Variants in EXOSC7 observed in about 807,000 individuals in gnomAD.
EXOSC7 encodes the protein exosome component 7.
Under a neutral mutation model 34.3 loss-of-function variants are expected in EXOSC7, and 25 were observed. The ratio of observed to expected loss-of-function variants is 0.73; its 90% confidence interval spans 0.53 to 1.02. The LOEUF is 1.02. Among genes scored for constraint, EXOSC7 ranks in the 50% least tolerant of loss-of-function variants. EXOSC7 has a pLI of 0.00. For missense variants in EXOSC7, 370 were observed against 368.5 expected (o/e 1.00, Z -0.03); for synonymous variants, 130 against 143.0 (o/e 0.91, Z 0.65).
chr3:45,007,266 A>T (rs1242458660), intron 6 of EXOSC7, among the ~76,000 whole-genome samples, 154 bp from the exon 7 acceptor site: 1 of 152,196 alleles, frequency 6.6e-6, no homozygotes, highest in East Asian at 1.9e-4. Flanking sequence ...ACAATCCCTC[A>T]GCTGTTTTCC....
At chr3:45,001,769 G>C in intron 5 of EXOSC7, 161 bp downstream of exon 5, 1 of 591,806 alleles carries the variant, frequency 1.7e-6, no homozygotes, top group East Asian at 2.8e-5. Flanking sequence ...AGAAAAGATA[G>C]ATTTCGTGAA....
chr3:44,995,705 T>G (rs903437143), intron 3 of EXOSC7, among the ~76,000 whole-genome samples: 1 of 152,008 alleles, frequency 6.6e-6, no homozygotes, highest in African/African-American at 2.4e-5. Flanking sequence ...TAATGAAGTC[T>G]CTCTTGGGGA....
rs1050385864 is a variant in EXOSC7 at position 44,995,206 on chromosome 3, C to T, written c.255-1881C>T. ...ACATGTTGGTCAGGCTGGTCTCGAA[C>T]CCCCGACCTCAGGTGATCCACCCGC... On this transcript the variant is annotated intron_variant, in intron 3 of 7. Coordinates refer to ENST00000265564, the MANE Select transcript of EXOSC7 (RefSeq NM_015004.4). 6.6e-5 allele frequency among the ~76,000 whole-genome samples: 10 copies of T among 152,052 alleles called. No individual in the cohort carries two copies. In the East Asian group the frequency reaches 1.9e-3, roughly 29 times the overall value.
At chr3:45,006,713 G>A (rs1385350821) in intron 6 of EXOSC7, among the ~76,000 whole-genome samples, 1 of 151,958 alleles carries the variant, frequency 6.6e-6, no homozygotes, top group East Asian at 1.9e-4. Flanking sequence ...ACCGCGCCCG[G>A]CCTTGTTTTG....
chr3:44,998,522 TTAATG>T (rs1023912076), intron 4 of EXOSC7, among the ~76,000 whole-genome samples: 14 of 152,234 alleles, frequency 9.2e-5, no homozygotes, highest in Non-Finnish European at 1.8e-4. Flanking sequence ...AATAGATTCT[TTAATG>T]AATGTGCAGA....
At chr3:45,011,141 C>T in intron 7 of EXOSC7, 94 bp from the exon 8 acceptor site, 3 of 647,244 alleles carry the variant, frequency 4.6e-6, no homozygotes, top group Non-Finnish European at 7.6e-6. Flanking sequence ...TGTACAATGT[C>T]AGAAAGACTA....
chr3:44,986,559 G>A (rs1576005452), intron 1 of EXOSC7, among the ~76,000 whole-genome samples: 1 of 152,228 alleles, frequency 6.6e-6, no homozygotes, highest in Non-Finnish European at 1.5e-5. Flanking sequence ...TGCAGCGGCG[G>A]GCTGAAGGGC....
chr3:44,978,712 C>T (rs1374488351), intron 1 of EXOSC7, among the ~76,000 whole-genome samples: 1 of 152,074 alleles, frequency 6.6e-6, no homozygotes, highest in African/African-American at 2.4e-5. Context: ...TCTGTAAATC[C>T]TCAGGTGGAG....
intron 1 of EXOSC7, among the ~76,000 whole-genome samples, chr3:44,983,936 C>G (rs572504751): frequency 6.6e-6 from 1 of 151,924 alleles, no homozygotes; most frequent in African/African-American, 2.4e-5. Context: ...TTGTTTTCCT[C>G]CTATCCTTTT....
chr3:45,005,663 A>G (rs1707015421), intron 6 of EXOSC7, among the ~76,000 whole-genome samples: 1 of 152,208 alleles, frequency 6.6e-6, no homozygotes, highest in African/African-American at 2.4e-5. Flanking sequence ...AATAGTAGCC[A>G]GAGTTTGTTA....
At chr3:44,990,271 T>C (rs1157343504) in intron 3 of EXOSC7, among the ~76,000 whole-genome samples, 3 of 134,112 alleles carry the variant, frequency 2.2e-5, no homozygotes, top group African/African-American at 8.4e-5. Flanking sequence ...AATAATACCA[T>C]GGTGATGAAG....
In EXOSC7 at chr3:45,006,796, C is replaced by T. The variant is rs575196948; in HGVS notation, c.616-624C>T. On this transcript the variant is annotated intron_variant, in intron 6 of 7. Transcript: ENST00000265564. ...AGGCTCACTGCAACCTCTGCTGCAA[C>T]CCCCCCACCCGCCCCGGCTCAACCT... Among the ~76,000 whole-genome samples, 24 of 113,272 alleles carry T rather than the reference C, an allele frequency of 2.1e-4. No homozygotes were observed. In the South Asian group the frequency reaches 5.9e-3, roughly 28 times the overall value. The allele number at this position is 113,272 out of a possible 152,430, so 74.3% of individuals were successfully genotyped here.
At chr3:45,005,602 T>C (rs1707013598) in intron 6 of EXOSC7, among the ~76,000 whole-genome samples, 188 bp downstream of exon 6, 3 of 152,232 alleles carry the variant, frequency 2.0e-5, no homozygotes, top group Admixed American at 2.0e-4. Context: ...TTCTTTTCTT[T>C]TTAATTGGAA....
chr3:44,997,458 C>A (rs1317606073), intron 4 of EXOSC7, among the ~76,000 whole-genome samples: 1 of 152,102 alleles, frequency 6.6e-6, no homozygotes, highest in South Asian at 2.1e-4. Flanking sequence ...TAATGCCATT[C>A]TATGATAAAA....
intron 5 of EXOSC7, chr3:45,004,340 C>G (rs1706969093): frequency 6.6e-6 from 1 of 152,044 alleles, no homozygotes; most frequent in African/African-American, 2.4e-5. Flanking sequence ...ACTGCAACCT[C>G]CACTTCCCAG....
intron 5 of EXOSC7, chr3:45,001,956 AT>A (rs1323733421): frequency 4.1e-6 from 1 of 241,076 alleles, no homozygotes; most frequent in Non-Finnish European, 8.1e-6. Flanking sequence ...GGGGGCAAGG[AT>A]TTTGCCTGTT....
chr3:45,003,553 C>G (rs1023052783), intron 5 of EXOSC7, among the ~76,000 whole-genome samples: 5 of 152,122 alleles, frequency 3.3e-5, no homozygotes, highest in Non-Finnish European at 5.9e-5. Flanking sequence ...AGGGCTCAAT[C>G]ATGGGGGGTT....
intron 3 of EXOSC7, among the ~76,000 whole-genome samples, chr3:44,991,134 G>A (rs947738131): frequency 3.6e-4 from 55 of 152,306 alleles, no homozygotes; most frequent in Non-Finnish European, 2.8e-4. Context: ...TTTACTTCAT[G>A]CAGCCTATGG....
chr3:44,992,664 G>A lies in EXOSC7; in HGVS notation c.254+3020G>A, dbSNP rs1706605167. ...GTTTGCTGGTTGTAGCTGAGAGTAG[G>A]CTATTTTAAATGAGAATTTGGAAAC... On this transcript the variant is annotated intron_variant, in intron 3 of 7. Transcript: ENST00000265564. 3.3e-5 allele frequency among the ~76,000 whole-genome samples: 5 copies of A among 152,246 alleles called. No homozygotes were observed. The South Asian group carries it at 1.0e-3, about 32-fold the overall frequency.
Sources: allele counts gnomAD v4.1 joint callset (sites outside exome capture counted in the v4.1 genomes callset), GRCh38; gene constraint gnomAD v4.1.1; transcripts MANE v1.5; gene names NCBI Gene and HGNC (gene_info 2026-07-23, HGNC 2026-07-21).